The following IREB2 variants were observed in gnomAD, a reference collection of about 807,000 sequenced individuals.
IREB2 encodes the protein iron-responsive element-binding protein 2.
A neutral mutation model predicts 118.8 loss-of-function variants in IREB2; 39 were observed. That is an observed-to-expected ratio of 0.33 (90% CI 0.25 to 0.43). The LOEUF is 0.43. Ranked by LOEUF, IREB2 falls within the 20% of genes least tolerant of loss-of-function variation. IREB2 has a pLI of 1.00. For missense variants in IREB2, 900 were observed against 1,147.3 expected, an observed-to-expected ratio of 0.78 and a Z score of 3.11; for synonymous variants, 372 against 392.2, an observed-to-expected ratio of 0.95 and a Z score of 0.61.
chr15:78,473,052 T>C (rs1374242116), intron 7 of IREB2, among the ~76,000 whole-genome samples, 190 bp from the exon 8 acceptor site: 1 of 152,136 alleles, frequency 6.6e-6, no homozygotes, highest in Non-Finnish European at 1.5e-5. Flanking sequence ...AAAATAATAG[T>C]TTTTCGACCG....
intron 10 of IREB2, among the ~76,000 whole-genome samples, chr15:78,479,494 C>G (rs2051529738): frequency 6.6e-6 from 1 of 150,658 alleles, no homozygotes; most frequent in Admixed American, 6.6e-5. Flanking sequence ...GCCTTGGCCT[C>G]TCAAATTGCT....
Position 78,466,301 on chromosome 15 carries a change from T to C in IREB2, c.441T>C (p.Gly147=). 2 of 1,613,782 alleles carry C rather than the reference T, an allele frequency of 1.2e-6. No homozygotes were observed. The highest frequency in any genetic ancestry group is 1.7e-6 in the Non-Finnish European group (2 of 1,179,854). ...TACAGAATGCACCAAATCCTGGAGG[T>C]GGTGACCTGCAGAAAGCAGGAAAGC... is the stretch of plus-strand genomic sequence containing the variant. ...CAIQNAPNPG[G]GDLQKAGKLS... is the part of the protein sequence containing the mutation. The change falls in exon 5 of 22, where the codon GGT becomes GGC. Residue 147 remains glycine, a synonymous_variant. Transcript: ENST00000258886.
chr15:78,452,610 A>C (rs1268292561), intron 2 of IREB2, among the ~76,000 whole-genome samples: 1 of 152,166 alleles, frequency 6.6e-6, no homozygotes, highest in East Asian at 1.9e-4. Context: ...TAGAAGTGTT[A>C]AGAACTATAA....
chr15:78,448,883 G>GGGTTCTT (rs2050976206), intron 2 of IREB2, among the ~76,000 whole-genome samples: 1 of 152,172 alleles, frequency 6.6e-6, no homozygotes, highest in Non-Finnish European at 1.5e-5. Flanking sequence ...TCTGTTACAT[G>GGGTTCTT]TAGTTATCTA....
Position 78,484,666 on chromosome 15 carries a change from C to T in IREB2, c.1414-95C>T, listed in dbSNP as rs75764479. The T allele has an allele frequency of 6.6e-3, 5,355 of 809,222 alleles. 20 individuals carry two copies. Among genetic ancestry groups the T allele is most frequent in the Non-Finnish European group, 9.1e-3 (4,664 of 513,848 alleles). The allele number at this position is 809,222 out of a possible 1,614,324, so 50.1% of individuals were successfully genotyped here. On this transcript the variant is annotated intron_variant, in intron 11 of 21. Coordinates refer to ENST00000258886, the MANE Select transcript of IREB2 (RefSeq NM_004136.4). ...ACAAAAAGGATTTTTAATGTTAAAT[C>T]ATCAAATGTCCGGTATCTGCTATGT...
chr15:78,440,364 T>A (rs141927436), intron 2 of IREB2, among the ~76,000 whole-genome samples: 1 of 126,980 alleles, frequency 7.9e-6, no homozygotes, highest in Non-Finnish European at 1.8e-5. Flanking sequence ...TTTTCTCTTT[T>A]CTTTTCTTTT....
intron 9 of IREB2, among the ~76,000 whole-genome samples, chr15:78,477,615 A>G (rs2051493891): frequency 1.3e-5 from 2 of 152,168 alleles, no homozygotes; most frequent in South Asian, 2.1e-4. Flanking sequence ...CTTACCCCCA[A>G]AGATTTCAAA....
At chr15:78,441,951 G>T (rs1411366786) in intron 2 of IREB2, among the ~76,000 whole-genome samples, 1 of 151,908 alleles carries the variant, frequency 6.6e-6, no homozygotes, top group Non-Finnish European at 1.5e-5. Context: ...CTGTCACCCA[G>T]GCTGGAGTGC....
chr15:78,493,624 AT>A (rs927700204), intron 18 of IREB2, among the ~76,000 whole-genome samples: 12 of 151,036 alleles, frequency 7.9e-5, no homozygotes, highest in African/African-American at 2.7e-4. Context: ...TGGTGTAAAG[AT>A]TTTTTTTTAA....
intron 21 of IREB2, among the ~76,000 whole-genome samples, chr15:78,497,820 A>G (rs549851713): frequency 2.0e-5 from 3 of 152,332 alleles, no homozygotes; most frequent in South Asian, 2.1e-4. Flanking sequence ...CTATTTTTCT[A>G]CTTAACTATG....
intron 5 of IREB2, among the ~76,000 whole-genome samples, chr15:78,469,304 A>G (rs2051335752): frequency 6.6e-6 from 1 of 152,218 alleles, no homozygotes; most frequent in Non-Finnish European, 1.5e-5. Context: ...ATTGAAAGGT[A>G]AAATAATTGG....
intron 2 of IREB2, among the ~76,000 whole-genome samples, chr15:78,440,782 G>C (rs145900499): frequency 6.6e-6 from 1 of 152,102 alleles, no homozygotes; most frequent in Non-Finnish European, 1.5e-5. Flanking sequence ...GGCATGGTTT[G>C]CCCCAACCTA....
intron 2 of IREB2, among the ~76,000 whole-genome samples, chr15:78,451,053 C>G (rs2051018069): frequency 2.0e-5 from 3 of 152,112 alleles, no homozygotes; most frequent in Admixed American, 2.0e-4. Flanking sequence ...CAACCTCCAT[C>G]TCTTAGGTTC....
At position 78,465,298 on chromosome 15, in the gene IREB2, A is replaced by C; in HGVS notation, c.320A>C (p.Lys107Thr). The change falls in exon 4 of 22, where the codon AAA becomes ACA. Residue 107 changes from lysine to threonine, a missense_variant. Physicochemically the swap from Lys to Thr is moderately conservative, Grantham distance 78. Transcript: ENST00000258886. ...TTTGCTGCTATGAGGGAGGCAGTGA[A>C]AACTCTTGGAGGTGATCCTGAGAAA... The part of the protein sequence containing the change: ...VDFAAMREAV[K>T]TLGGDPEKVH... 1 of 1,612,920 alleles carries C rather than the reference A, an allele frequency of 6.2e-7. No homozygotes were observed. The highest frequency in any genetic ancestry group is 1.1e-5 in the South Asian group (1 of 90,812).
intron 16 of IREB2, among the ~76,000 whole-genome samples, chr15:78,489,355 C>T (rs1299449716): frequency 1.3e-5 from 2 of 151,986 alleles, no homozygotes; most frequent in Non-Finnish European, 2.9e-5. Context: ...GCATATGTAC[C>T]CCAGAAGTTA....
chr15:78,441,727 G>C (rs1004645625), intron 2 of IREB2, among the ~76,000 whole-genome samples: 6 of 152,056 alleles, frequency 3.9e-5, no homozygotes, highest in Non-Finnish European at 8.8e-5. Flanking sequence ...AAGTTGTCAT[G>C]GGAATTTGTA....
intron 10 of IREB2, among the ~76,000 whole-genome samples, chr15:78,479,341 T>C (rs201908154): frequency 6.6e-6 from 1 of 151,982 alleles, no homozygotes; most frequent in Non-Finnish European, 1.5e-5. Flanking sequence ...TAATTTTACA[T>C]AGAGTTTTAT....
intron 10 of IREB2, among the ~76,000 whole-genome samples, chr15:78,479,370 A>G (rs2051526954): frequency 6.7e-6 from 1 of 149,196 alleles, no homozygotes; most frequent in Non-Finnish European, 1.5e-5. Context: ...ATTTTGTAAT[A>G]TCTTATGAAG....
At chr15:78,438,664 C>A in intron 1 of IREB2, 1 of 490,884 alleles carries the variant, frequency 2.0e-6, no homozygotes, top group Non-Finnish European at 3.7e-6. Flanking sequence ...CCCCCGTCAG[C>A]AACACCAGGG....
Sources: gnomAD v4.1 joint callset for allele counts (sites outside exome capture counted in the v4.1 genomes callset) on GRCh38, gnomAD v4.1.1 for gene constraint, MANE v1.5 for transcripts, NCBI Gene and HGNC (gene_info 2026-07-23, HGNC 2026-07-21) for gene names.